TRMT11: variants seen among roughly 807,000 people sequenced by gnomAD.
TRMT11 encodes the protein tRNA (guanine(10)-N(2))-methyltransferase TRMT11.
In TRMT11, 53 loss-of-function variants were observed where a neutral mutation model predicts 62.8. That is an observed-to-expected ratio of 0.84 (90% CI 0.68 to 1.06). The LOEUF (loss-of-function observed/expected upper bound fraction) is 1.06. Among genes scored for constraint, TRMT11 ranks in the 50% least tolerant of loss-of-function variants. The pLI is 0.00. For synonymous variants in TRMT11, 188 were observed against 190.3 expected (o/e 0.99, Z 0.10); for missense variants, 556 against 553.4 (o/e 1.00, Z -0.05).
intron 17 of TRMT11, among the ~76,000 whole-genome samples, chr6:126,057,842 C>A (rs2128121354): frequency 6.6e-6 from 1 of 152,312 alleles, no homozygotes; most frequent in African/African-American, 2.4e-5. Flanking sequence ...ATTACCTCTT[C>A]ATTGCCTTTG....
chr6:126,238,516 C>G, the TRMT11 span, among the ~76,000 whole-genome samples: 1 of 151,690 alleles, frequency 6.6e-6, no homozygotes, highest in African/African-American at 2.4e-5. Context: ...TGTAGTTGAG[C>G]GGTTTTGAGT....
intron 21 of TRMT11, among the ~76,000 whole-genome samples, chr6:126,155,075 G>A (rs1391951056): frequency 6.6e-6 from 1 of 152,090 alleles, no homozygotes; most frequent in Non-Finnish European, 1.5e-5. Context: ...CCTGAGACTA[G>A]GTAATTTAAA....
intron 17 of TRMT11, among the ~76,000 whole-genome samples, chr6:126,093,423 C>T (rs1237733233): frequency 6.7e-6 from 1 of 149,576 alleles, no homozygotes; most frequent in Non-Finnish European, 1.5e-5. Flanking sequence ...TAATTAATTC[C>T]AATGTAAGTA....
intron 17 of TRMT11, among the ~76,000 whole-genome samples, chr6:126,085,674 G>A (rs1021825546): frequency 7.2e-5 from 11 of 152,136 alleles, no homozygotes; most frequent in Admixed American, 2.6e-4. Flanking sequence ...GGTGATGCCT[G>A]CCTGTTGTCT....
chr6:126,034,338 G>C (rs1436528814), intron 12 of TRMT11, among the ~76,000 whole-genome samples: 1 of 152,070 alleles, frequency 6.6e-6, no homozygotes, highest in African/African-American at 2.4e-5. Context: ...ACATAGTTTG[G>C]TAGGAAATAT....
At chr6:126,239,304 G>C in the TRMT11 span, among the ~76,000 whole-genome samples, 2,289 of 152,166 alleles carry the variant, frequency 0.015, 56 homozygotes, top group African/African-American at 0.049. Context: ...TCCTAGCCTC[G>C]ATGGTCTTTA....
intron 9 of TRMT11, among the ~76,000 whole-genome samples, chr6:126,012,162 G>A (rs1277254047): frequency 6.6e-6 from 1 of 152,036 alleles, no homozygotes; most frequent in African/African-American, 2.4e-5. Flanking sequence ...AGGCCTTATG[G>A]TTTCAGTGTG....
the TRMT11 span, among the ~76,000 whole-genome samples, chr6:126,240,693 GT>G: frequency 6.6e-6 from 1 of 152,204 alleles, no homozygotes; most frequent in Non-Finnish European, 1.5e-5. Context: ...CCATTCTCAG[GT>G]CTCTAGCTGT....
At chr6:126,109,577 C>T (rs1306826021) in intron 17 of TRMT11, among the ~76,000 whole-genome samples, 1 of 152,142 alleles carries the variant, frequency 6.6e-6, no homozygotes, top group African/African-American at 2.4e-5. Context: ...TACAATTTTT[C>T]AATGTACTAA....
intron 21 of TRMT11, among the ~76,000 whole-genome samples, chr6:126,171,080 T>G (rs1778324764): frequency 6.6e-6 from 1 of 152,142 alleles, no homozygotes; most frequent in African/African-American, 2.4e-5. Context: ...CTCTTTTGGT[T>G]GTGAGGTAAG....
chr6:126,100,656 A>C (rs1269639857), intron 17 of TRMT11, among the ~76,000 whole-genome samples: 1 of 152,238 alleles, frequency 6.6e-6, no homozygotes, highest in African/African-American at 2.4e-5. Flanking sequence ...ATACAACAGC[A>C]GGCCCCAACC....
intron 1 of TRMT11, among the ~76,000 whole-genome samples, chr6:126,192,986 G>T (rs1414393522): frequency 2.0e-5 from 3 of 151,960 alleles, no homozygotes; most frequent in Non-Finnish European, 4.4e-5. Flanking sequence ...ACTTTTTTTT[G>T]AAATAGGTTA....
At chr6:126,044,122 C>G (rs1451346356), downstream of TRMT11, among the ~76,000 whole-genome samples, 2 of 151,972 alleles carry the variant, frequency 1.3e-5, no homozygotes, top group South Asian at 2.1e-4. Flanking sequence ...GACATGAAGT[C>G]CTTGCCCATG....
downstream of TRMT11, among the ~76,000 whole-genome samples, chr6:126,043,233 G>A (rs1427432522): frequency 6.5e-5 from 8 of 122,246 alleles, no homozygotes; most frequent in Non-Finnish European, 3.2e-5. Flanking sequence ...TCCCCAGAGT[G>A]TGATGTTCCC....
At chr6:126,063,622 C>G (rs1443098707) in intron 17 of TRMT11, among the ~76,000 whole-genome samples, 1 of 152,196 alleles carries the variant, frequency 6.6e-6, no homozygotes, top group African/African-American at 2.4e-5. Context: ...TGTGAAATTA[C>G]AGATGGGTCT....
chr6:126,105,693 T>A (rs1194886513), intron 17 of TRMT11, among the ~76,000 whole-genome samples: 1 of 152,158 alleles, frequency 6.6e-6, no homozygotes. Flanking sequence ...ACCAACATGA[T>A]GTATCTTAAA....
the TRMT11 span, among the ~76,000 whole-genome samples, chr6:126,268,510 G>A: frequency 6.2e-4 from 95 of 152,258 alleles, no homozygotes; most frequent in African/African-American, 2.0e-3. Flanking sequence ...TTCTGAACTC[G>A]CATCTTTGGA....
intron 17 of TRMT11, among the ~76,000 whole-genome samples, chr6:126,095,284 A>G (rs1358678076): frequency 6.6e-6 from 1 of 152,214 alleles, no homozygotes; most frequent in East Asian, 1.9e-4. Flanking sequence ...AGGAGTACAG[A>G]TCTGAAAAAT....
At chr6:126,152,677 G>A (rs1387801346) in intron 21 of TRMT11, among the ~76,000 whole-genome samples, 2 of 152,218 alleles carry the variant, frequency 1.3e-5, no homozygotes, top group Non-Finnish European at 2.9e-5. Context: ...CTGGAGTAGG[G>A]AGTGGTGCTG....
Sources: allele counts gnomAD v4.1 joint callset (sites outside exome capture counted in the v4.1 genomes callset), GRCh38; gene constraint gnomAD v4.1.1; transcripts MANE v1.5; gene names NCBI Gene and HGNC (gene_info 2026-07-23, HGNC 2026-07-21).